JARID2: variants seen among roughly 807,000 people sequenced by gnomAD.
JARID2 encodes jumonji and AT-rich interaction domain containing 2, also known as protein Jumonji.
In JARID2, 21 loss-of-function variants were observed where a neutral mutation model predicts 125.6. The observed-to-expected ratio is 0.17, with a 90% CI of 0.12 to 0.24. JARID2 has a LOEUF of 0.24. Among genes scored for constraint, JARID2 ranks in the 10% least tolerant of loss-of-function variants. The pLI is 1.00. For synonymous variants in JARID2, 736 were observed against 661.6 expected, an observed-to-expected ratio of 1.11 and a Z score of -1.73; for missense variants, 1,303 against 1,639.6, an observed-to-expected ratio of 0.79 and a Z score of 3.55.
chr6:15,301,502 G>C (rs759754589), intron 1 of JARID2, among the ~76,000 whole-genome samples: 10 of 152,114 alleles, frequency 6.6e-5, no homozygotes. Flanking sequence ...GACTGTGGAG[G>C]TTAACTTACA....
intron 1 of JARID2, among the ~76,000 whole-genome samples, chr6:15,280,214 T>C (rs1760697704): frequency 1.3e-5 from 2 of 152,192 alleles, no homozygotes. Context: ...AAAAAAAAAC[T>C]TCAGTGACTT....
At chr6:15,439,926 C>G (rs1303543338) in intron 3 of JARID2, among the ~76,000 whole-genome samples, 5 of 152,196 alleles carry the variant, frequency 3.3e-5, no homozygotes, top group Non-Finnish European at 7.3e-5. Flanking sequence ...CATGTTGTCT[C>G]TGGAAAGGAA....
intron 3 of JARID2, among the ~76,000 whole-genome samples, chr6:15,410,906 T>G (rs939424114): frequency 6.6e-6 from 1 of 152,228 alleles, no homozygotes; most frequent in Non-Finnish European, 1.5e-5. Flanking sequence ...CTTTCCTAAA[T>G]AAGCTTCAGA....
chr6:15,308,131 T>G (rs1274570456), intron 1 of JARID2, among the ~76,000 whole-genome samples: 8 of 152,256 alleles, frequency 5.3e-5, no homozygotes, highest in Non-Finnish European at 1.0e-4. Flanking sequence ...TCTAGTCCTC[T>G]TCCTTAATCC....
In JARID2 at chr6:15,286,563, C is replaced by T. The variant is rs116328322; in HGVS notation, c.45+39979C>T. Among the ~76,000 whole-genome samples the T allele has an allele frequency of 5.8e-4, 87 of 150,268 alleles. 1 individual carries two copies. The highest frequency in any genetic ancestry group is 4.7e-3 in the East Asian group (23 of 4,858). ...CAGTGCCCGGCTCATTGCAGTGTTT[C>T]GATTGAAATTTTGCTGGCAGAGCGT... On this transcript the variant is annotated intron_variant, in intron 1 of 17. Coordinates refer to ENST00000341776, the MANE Select transcript of JARID2 (RefSeq NM_004973.4).
rs1257033280 is a variant in JARID2, at chr6:15,318,212, C to CA, written c.46-55894dup. ...GGTTACAAGAGCAAAACTCCGTTTC[C>CA]AAAAAAAAAAAGATTAAACAAATAG... On this transcript the variant is annotated intron_variant, in intron 1 of 17. Coordinates refer to ENST00000341776, the MANE Select transcript of JARID2 (RefSeq NM_004973.4). Among the ~76,000 whole-genome samples the CA allele has an allele frequency of 6.2e-3, 867 of 140,746 alleles. 38 individuals are homozygous for CA. In the East Asian group the frequency reaches 0.11, roughly 18 times the overall value. The allele number at this position is 140,746 out of a possible 152,430, so 92.3% of individuals were successfully genotyped here. A position where few individuals can be genotyped will look rare whatever the true frequency, so the allele number is the denominator to read the frequency against.
intron 1 of JARID2, among the ~76,000 whole-genome samples, chr6:15,297,220 G>A (rs1390675814): frequency 6.6e-6 from 1 of 152,120 alleles, no homozygotes; most frequent in Non-Finnish European, 1.5e-5. Context: ...GTGTGATCTT[G>A]GCTCACTGCA....
At chr6:15,374,003 G>T in intron 1 of JARID2, 114 bp from the exon 2 acceptor site, 1 of 1,181,536 alleles carries the variant, frequency 8.5e-7, no homozygotes. Context: ...TGAGAACTGG[G>T]TCGTGGTCAC....
At chr6:15,266,840 A>G (rs1033911652) in intron 1 of JARID2, among the ~76,000 whole-genome samples, 1 of 152,198 alleles carries the variant, frequency 6.6e-6, no homozygotes, top group Non-Finnish European at 1.5e-5. Flanking sequence ...CACTGCTGTA[A>G]TAACAATCAG....
At chr6:15,498,521 T>C (rs572710098) in intron 7 of JARID2, among the ~76,000 whole-genome samples, 1 of 152,178 alleles carries the variant, frequency 6.6e-6, no homozygotes, top group Non-Finnish European at 1.5e-5. Flanking sequence ...CCAGGTAAGG[T>C]TGCAACCCCA....
At chr6:15,401,556 TTC>T (rs1166015677) in intron 2 of JARID2, among the ~76,000 whole-genome samples, 1 of 152,184 alleles carries the variant, frequency 6.6e-6, no homozygotes, top group Non-Finnish European at 1.5e-5. Flanking sequence ...CATTAATCCT[TTC>T]TTTTTCTTCC....
At chr6:15,495,799 T>C (rs988799733) in intron 6 of JARID2, among the ~76,000 whole-genome samples, 10 of 152,116 alleles carry the variant, frequency 6.6e-5, no homozygotes, top group African/African-American at 1.9e-4. Flanking sequence ...TGGGGAGGTC[T>C]TCATTGTGAA....
chr6:15,426,095 A>AT (rs1215338979), intron 3 of JARID2, among the ~76,000 whole-genome samples: 1 of 152,192 alleles, frequency 6.6e-6, no homozygotes, highest in East Asian at 1.9e-4. Flanking sequence ...TAGTAATAAC[A>AT]TGATGAGCTT....
chr6:15,506,434 G>A (rs1771009766), intron 9 of JARID2, among the ~76,000 whole-genome samples: 1 of 152,232 alleles, frequency 6.6e-6, no homozygotes, highest in South Asian at 2.1e-4. Flanking sequence ...GGTGTTGCTA[G>A]TAGCGCTTTG....
At chr6:15,399,891 G>A (rs1237473195) in intron 2 of JARID2, among the ~76,000 whole-genome samples, 1 of 152,244 alleles carries the variant, frequency 6.6e-6, no homozygotes, top group African/African-American at 2.4e-5. Flanking sequence ...GCATGTGGTA[G>A]TGTTGAGAGC....
chr6:15,405,336 T>G (rs890117836), intron 2 of JARID2, among the ~76,000 whole-genome samples: 10 of 152,214 alleles, frequency 6.6e-5, no homozygotes, highest in Non-Finnish European at 1.3e-4. Context: ...AGGGTTCTGT[T>G]GTGTTCAATT....
At chr6:15,452,290 C>T in intron 4 of JARID2, 115 bp downstream of exon 4, 3 of 1,442,640 alleles carry the variant, frequency 2.1e-6, no homozygotes, top group Non-Finnish European at 1.8e-6. Context: ...TGTCCCCAAC[C>T]TGGGTTGAGG....
chr6:15,494,598 C>T (rs1272982412), intron 6 of JARID2, among the ~76,000 whole-genome samples: 2 of 151,992 alleles, frequency 1.3e-5, no homozygotes, highest in South Asian at 2.1e-4. Flanking sequence ...TTAGTAGAGA[C>T]GGGGTTTCAC....
At chr6:15,351,872 C>G (rs558436262) in intron 1 of JARID2, among the ~76,000 whole-genome samples, 1 of 152,234 alleles carries the variant, frequency 6.6e-6, no homozygotes, top group South Asian at 2.1e-4. Flanking sequence ...CTCCACTCCC[C>G]GCTTCCCTCT....
Sources: allele counts gnomAD v4.1 joint callset (sites outside exome capture counted in the v4.1 genomes callset), GRCh38; gene constraint gnomAD v4.1.1; transcripts MANE v1.5; gene names NCBI Gene and HGNC (gene_info 2026-07-23, HGNC 2026-07-21).